The following MYO3A variants were observed in gnomAD, a reference collection of about 807,000 sequenced individuals.
The protein encoded by MYO3A is myosin IIIA.
A neutral mutation model predicts 192.7 loss-of-function variants in MYO3A; 180 were observed. That is an observed-to-expected ratio of 0.93 (90% confidence interval 0.83 to 1.06). MYO3A has a LOEUF of 1.06. Ranked by LOEUF, MYO3A falls within the 50% of genes least tolerant of loss-of-function variation. The pLI, the probability that MYO3A is intolerant of heterozygous loss-of-function variation, is 0.00. For missense variants in MYO3A, 1,896 were observed against 1,905.0 expected, an observed-to-expected ratio of 1.00 and a Z score of 0.09; for synonymous variants, 628 against 645.3, an observed-to-expected ratio of 0.97 and a Z score of 0.41.
chr10:26,029,452 A>C (rs1842709720), intron 10 of MYO3A, among the ~76,000 whole-genome samples: 1 of 152,166 alleles, frequency 6.6e-6, no homozygotes, highest in Non-Finnish European at 1.5e-5. Flanking sequence ...CCATTTATCA[A>C]TCTCTGCTAT....
intron 30 of MYO3A, among the ~76,000 whole-genome samples, chr10:26,175,747 T>C (rs183044145): frequency 6.6e-6 from 1 of 152,284 alleles, no homozygotes; most frequent in East Asian, 1.9e-4. Context: ...AAATCAGGGA[T>C]TAGAACTCAG....
At chr10:25,965,863 C>T (rs1042660301) in intron 4 of MYO3A, among the ~76,000 whole-genome samples, 4 of 151,850 alleles carry the variant, frequency 2.6e-5, no homozygotes, top group Non-Finnish European at 2.9e-5. Context: ...TTGCTGTGTT[C>T]GCCCTCCTGC....
chr10:26,107,247 C>T lies in MYO3A; in HGVS notation c.1776+10565C>T, dbSNP rs549804382. Among the ~76,000 whole-genome samples the T allele has an allele frequency of 1.2e-4, 19 of 152,016 alleles. No homozygotes were observed. In the East Asian group the frequency reaches 2.7e-3, roughly 22 times the overall value. ...CTGTAATCCCAGCACTTTGGGAGGC[C>T]GAGGCGGGTGGATCACGAGGTCAGG... On this transcript the variant is annotated intron_variant, in intron 17 of 34. Transcript: ENST00000642920.
intron 23 of MYO3A, among the ~76,000 whole-genome samples, chr10:26,152,318 T>C (rs1309776334): frequency 2.0e-5 from 3 of 152,244 alleles, no homozygotes; most frequent in Non-Finnish European, 2.9e-5. Flanking sequence ...CAATTACTCC[T>C]AATAACAACA....
intron 17 of MYO3A, among the ~76,000 whole-genome samples, chr10:26,103,625 T>C (rs1271550613): frequency 6.6e-6 from 1 of 152,270 alleles, no homozygotes; most frequent in Admixed American, 6.5e-5. Context: ...TTGCTTTTTG[T>C]CTATTATGAA....
chr10:26,193,008 C>T (rs1843224505), intron 31 of MYO3A, among the ~76,000 whole-genome samples, 197 bp from the exon 32 acceptor site: 1 of 152,018 alleles, frequency 6.6e-6, no homozygotes, highest in Non-Finnish European at 1.5e-5. Context: ...TCTCAAAGTC[C>T]TAGACCACCA....
Position 26,176,818 on chromosome 10 carries a change from C to A in MYO3A, c.4411C>A (p.Arg1471=). The A allele has an allele frequency of 6.2e-7, 1 of 1,614,076 alleles. No individual in the cohort carries two copies. The highest frequency in any genetic ancestry group is 8.5e-7 in the Non-Finnish European group (1 of 1,180,002). ...GVSHHKPINR[R]VSSQQCLSGV... is the part of the protein sequence containing the mutation. ...CTCGCACCATAAGCCAATTAATAGA[C>A]GAGTTTCTTCTCAGCAGTGCCTCTC... The change falls in exon 31 of 35, where the codon CGA becomes AGA. Residue 1471 remains arginine (R), a synonymous_variant. Coordinates refer to ENST00000642920, the MANE Select transcript of MYO3A (RefSeq NM_017433.5).
At chr10:26,053,022 AT>A (rs1469752066) in intron 10 of MYO3A, among the ~76,000 whole-genome samples, 5 of 152,232 alleles carry the variant, frequency 3.3e-5, no homozygotes, top group African/African-American at 1.2e-4. Flanking sequence ...CAAAATTCTT[AT>A]AGAAGGATTC....
At chr10:25,996,686 A>C in intron 5 of MYO3A, 92 bp downstream of exon 5, 1 of 954,916 alleles carries the variant, frequency 1.0e-6, no homozygotes, top group Non-Finnish European at 1.7e-6. Flanking sequence ...CACTAGTGAT[A>C]CTACATTAGT....
chr10:26,095,854 TG>T (rs1836988687), intron 15 of MYO3A, among the ~76,000 whole-genome samples: 1 of 152,180 alleles, frequency 6.6e-6, no homozygotes, highest in Non-Finnish European at 1.5e-5. Context: ...GCGTGGGCTT[TG>T]GGGTCAAATA....
At chr10:26,116,313 G>A (rs906468722) in intron 17 of MYO3A, among the ~76,000 whole-genome samples, 2 of 152,112 alleles carry the variant, frequency 1.3e-5, no homozygotes, top group African/African-American at 4.8e-5. Context: ...ATTCTTGTAC[G>A]GCAGGTCCAT....
At chr10:26,089,834 G>T (rs1307282153) in intron 15 of MYO3A, among the ~76,000 whole-genome samples, 1 of 152,018 alleles carries the variant, frequency 6.6e-6, no homozygotes, top group African/African-American at 2.4e-5. Flanking sequence ...ATTAAGACAA[G>T]GTACCTACAG....
intron 32 of MYO3A, among the ~76,000 whole-genome samples, chr10:26,198,174 CT>C (rs1313791905): frequency 1.3e-5 from 2 of 152,066 alleles, no homozygotes; most frequent in Non-Finnish European, 1.5e-5. Flanking sequence ...TTGGATGTCA[CT>C]TCTTACAATG....
rs564946468 is a variant in MYO3A at position 26,067,013 on chromosome 10, G to A, written c.992G>A (p.Arg331Gln). The A allele has an allele frequency of 2.2e-5, 36 of 1,612,946 alleles. No homozygotes were observed. Among genetic ancestry groups the A allele is most frequent in the South Asian group, 6.6e-5 (6 of 91,064 alleles). ...RIHTKKGNFN[R>Q]PLISNLKDVD... ...CACACGAAGAAAGGGAACTTCAACCGACCTCTAATATCCAATCTGAAGGAT... is the reference window on the plus strand; with the variant it reads ...CACACGAAGAAAGGGAACTTCAACCAACCTCTAATATCCAATCTGAAGGAT... Residue 331 changes from arginine (R) to glutamine (Q), a missense_variant, in exon 11 of 35, where the codon CGA (arginine) becomes CAA (glutamine). Physicochemically the swap from Arg to Gln is conservative, Grantham distance 43. Coordinates refer to ENST00000642920, the MANE Select transcript of MYO3A (RefSeq NM_017433.5).
intron 20 of MYO3A, among the ~76,000 whole-genome samples, chr10:26,142,084 A>G (rs958336501): frequency 6.6e-6 from 1 of 152,202 alleles, no homozygotes; most frequent in Non-Finnish European, 1.5e-5. Flanking sequence ...AACTTTGTGG[A>G]GGGCCGGGAG....
At chr10:26,089,361 G>A (rs1264110037) in intron 15 of MYO3A, among the ~76,000 whole-genome samples, 1 of 152,050 alleles carries the variant, frequency 6.6e-6, no homozygotes, top group Admixed American at 6.5e-5. Context: ...CAGCACTTTG[G>A]GAGGCCAAGG....
chr10:26,049,677 T>C (rs7073387), intron 10 of MYO3A, among the ~76,000 whole-genome samples: 7 of 54,408 alleles, frequency 1.3e-4, no homozygotes, highest in Non-Finnish European at 2.1e-4. Flanking sequence ...TTCTTTCTTT[T>C]TTTTTTTTTT....
rs920890254 is a variant in MYO3A at position 26,089,359 on chromosome 10, T to C, written c.1562+954T>C. ...GCTCACACCTGTAATCCCAGCACTT[T>C]GGGAGGCCAAGGCGGGTGGATCACG... On this transcript the variant is annotated intron_variant, in intron 15 of 34. Transcript: ENST00000642920. Among the ~76,000 whole-genome samples, 11 of 152,194 alleles carry C rather than the reference T, an allele frequency of 7.2e-5. 1 individual carries two copies. In the South Asian group the frequency reaches 1.5e-3, roughly 20 times the overall value.
At chr10:25,966,753 A>C (rs1217887446) in intron 4 of MYO3A, among the ~76,000 whole-genome samples, 1 of 152,350 alleles carries the variant, frequency 6.6e-6, no homozygotes, top group South Asian at 2.1e-4. Flanking sequence ...GGAAAGTCCA[A>C]GAAACTCTAT....
Sources: gnomAD v4.1 joint callset for allele counts (sites outside exome capture counted in the v4.1 genomes callset) on GRCh38, gnomAD v4.1.1 for gene constraint, MANE v1.5 for transcripts, NCBI Gene and HGNC (gene_info 2026-07-23, HGNC 2026-07-21) for gene names.